Variants in DLEC1 observed in about 807,000 individuals in gnomAD.
DLEC1 encodes the protein DLEC1 cilia and flagella associated protein, also known as deleted in lung and esophageal cancer protein 1.
Under a neutral mutation model 198.1 loss-of-function variants are expected in DLEC1, and 146 were observed. The observed-to-expected ratio is 0.74, with a 90% confidence interval of 0.64 to 0.85. The LOEUF (loss-of-function observed/expected upper bound fraction) is 0.85. Ranked by LOEUF, DLEC1 falls within the 40% of genes least tolerant of loss-of-function variation. The pLI is 0.00. For missense variants in DLEC1, 2,233 were observed against 2,220.0 expected (o/e 1.01, Z -0.12); for synonymous variants, 897 against 866.8 (o/e 1.03, Z -0.61).
Position 38,122,491 on chromosome 3 carries a change from C to T in DLEC1, c.*79C>T. On this transcript the variant is annotated 3_prime_UTR_variant, in exon 37 of 37. Transcript: ENST00000308059. ...AGGGATTAGGAGCAGCTCTTCAGCA[C>T]AAAGACACAGACTTGGGGACCTGGG... is the stretch of plus-strand genomic sequence containing the variant. 1.2e-6 allele frequency: 2 copies of T among 1,613,200 alleles called. No homozygotes were observed. The highest frequency in any genetic ancestry group is 1.7e-6 in the Non-Finnish European group (2 of 1,179,804).
At chr3:38,114,537 G>C in intron 26 of DLEC1, 77 bp downstream of exon 26, 3 of 1,440,228 alleles carry the variant, frequency 2.1e-6, no homozygotes, top group Non-Finnish European at 2.9e-6. Flanking sequence ...GGCTGCCCAC[G>C]TTGGCTTGTT....
At chr3:38,081,837 G>C (rs1264898580) in intron 6 of DLEC1, among the ~76,000 whole-genome samples, 2 of 141,814 alleles carry the variant, frequency 1.4e-5, no homozygotes, top group Admixed American at 6.8e-5. Context: ...CTGGCCAGGC[G>C]GGGGGCTGAC....
chr3:38,040,479 A>G (rs891947343), intron 1 of DLEC1, among the ~76,000 whole-genome samples: 1 of 152,172 alleles, frequency 6.6e-6, no homozygotes. Flanking sequence ...CAAAATGAAT[A>G]CCTATACAGT....
intron 33 of DLEC1, among the ~76,000 whole-genome samples, chr3:38,119,690 A>G (rs925059753): frequency 7.2e-5 from 11 of 151,998 alleles, no homozygotes; most frequent in Non-Finnish European, 4.4e-5. Context: ...CCACAGGTGC[A>G]TGCCACCATG....
chr3:38,119,055 G>A (rs1196227544), intron 33 of DLEC1, among the ~76,000 whole-genome samples: 1 of 152,192 alleles, frequency 6.6e-6, no homozygotes. Flanking sequence ...AGCACAGCCA[G>A]AGGTTCCATT....
At chr3:38,054,410 G>A (rs1341348294) in intron 2 of DLEC1, among the ~76,000 whole-genome samples, 1 of 152,194 alleles carries the variant, frequency 6.6e-6, no homozygotes, top group African/African-American at 2.4e-5. Context: ...AGCCTACAGT[G>A]TTTCACAGAT....
At position 38,116,964 on chromosome 3, in the gene DLEC1, G is replaced by A. The variant is rs749099529; in HGVS notation, c.4180-11G>A. The A allele has an allele frequency of 1.9e-5, 31 of 1,613,532 alleles. 1 individual carries two copies. The South Asian group carries it at 3.1e-4, about 16-fold the overall frequency. On this transcript the variant is annotated splice_polypyrimidine_tract_variant and intron_variant, in intron 29 of 36. Coordinates refer to ENST00000308059, the MANE Select transcript of DLEC1 (RefSeq NM_007335.4). The stretch of plus-strand genomic sequence containing the variant: ...CATGGGACAGTGCTAAGGCTGCTGT[G>A]TCTATGCCAGGTGGTCCCTGCTGGG...
intron 6 of DLEC1, among the ~76,000 whole-genome samples, chr3:38,073,544 G>T (rs956654966): frequency 6.6e-6 from 1 of 152,108 alleles, no homozygotes; most frequent in African/African-American, 2.4e-5. Context: ...AAGACACAAA[G>T]GAGGCTTTGG....
chr3:38,102,109 C>T (rs768565780), intron 19 of DLEC1, among the ~76,000 whole-genome samples: 12 of 152,156 alleles, frequency 7.9e-5, no homozygotes, highest in Non-Finnish European at 1.3e-4. Context: ...CCTCTTTCCC[C>T]CTTCTCTACC....
intron 6 of DLEC1, among the ~76,000 whole-genome samples, chr3:38,071,961 A>G (rs1472460774): frequency 1.3e-5 from 2 of 152,208 alleles, no homozygotes; most frequent in South Asian, 2.1e-4. Flanking sequence ...GGTAGCCTCA[A>G]TGATAGATGT....
At chr3:38,110,925 C>T (rs2125725862) in intron 23 of DLEC1, among the ~76,000 whole-genome samples, 1 of 152,142 alleles carries the variant, frequency 6.6e-6, no homozygotes, top group South Asian at 2.1e-4. Flanking sequence ...CACATATACA[C>T]ATGCACACAC....
rs547514721 is a variant in DLEC1 at position 38,053,863 on chromosome 3, G to A, written c.563-5879G>A. Among the ~76,000 whole-genome samples the A allele has an allele frequency of 1.2e-4, 19 of 152,354 alleles. No individual in the cohort carries two copies. The South Asian group carries it at 2.1e-3, about 17-fold the overall frequency. On this transcript the variant is annotated intron_variant, in intron 2 of 36. Transcript: ENST00000308059. ...GTTCTGTACTAAGAAAAATTCTTCT[G>A]CCTTGGGATGGTGTTAATCTATAAC... is the stretch of plus-strand genomic sequence containing the variant.
At chr3:38,060,817 C>T (rs1002952048) in intron 3 of DLEC1, among the ~76,000 whole-genome samples, 2 of 152,068 alleles carry the variant, frequency 1.3e-5, no homozygotes, top group African/African-American at 4.8e-5. Context: ...TCCTCAGCCT[C>T]CCAAGTAGCT....
intron 7 of DLEC1, among the ~76,000 whole-genome samples, chr3:38,084,579 G>GTA (rs147653328): frequency 9.2e-4 from 1 of 1,084 alleles, no homozygotes; most frequent in African/African-American, 3.1e-3. Context: ...AGTAGTAGTG[G>GTA]GGGGGTGGTA....
At chr3:38,078,838 A>G (rs543814695) in intron 6 of DLEC1, among the ~76,000 whole-genome samples, 79 of 152,352 alleles carry the variant, frequency 5.2e-4, no homozygotes, top group African/African-American at 1.9e-3. Flanking sequence ...CATGGGGTGG[A>G]TAGGCAAAAC....
chr3:38,114,736 T>G lies in DLEC1; in HGVS notation c.3786-247T>G, dbSNP rs545457087. Among the ~76,000 whole-genome samples, 24 of 152,236 alleles carry G rather than the reference T, an allele frequency of 1.6e-4. No individual in the cohort carries two copies. The East Asian group carries it at 4.1e-3, about 26-fold the overall frequency. On this transcript the variant is annotated intron_variant, in intron 26 of 36. Coordinates refer to ENST00000308059, the MANE Select transcript of DLEC1 (RefSeq NM_007335.4). ...ACCAGCCCTGGGGCCCCTGGCACAG[T>G]TGAACTGGAATCAGCATAGTCTGCT...
chr3:38,119,589 G>A (rs1407566190), intron 33 of DLEC1, among the ~76,000 whole-genome samples: 1 of 151,936 alleles, frequency 6.6e-6, no homozygotes, highest in African/African-American at 2.4e-5. Flanking sequence ...ACCTAGGCCG[G>A]AGTGCAGTGG....
chr3:38,072,990 C>T (rs13087813), intron 6 of DLEC1, among the ~76,000 whole-genome samples: 63,639 of 151,894 alleles, frequency 0.42, 13,929 homozygotes, highest in East Asian at 0.6. Context: ...AAGTAAATCA[C>T]GAGAAAGAGC....
chr3:38,069,361 A>T (rs1697194692), intron 6 of DLEC1, among the ~76,000 whole-genome samples: 1 of 152,200 alleles, frequency 6.6e-6, no homozygotes. Flanking sequence ...AAAAAGAGGG[A>T]ATGTACCATC....
Sources: allele counts gnomAD v4.1 joint callset (sites outside exome capture counted in the v4.1 genomes callset), GRCh38; gene constraint gnomAD v4.1.1; transcripts MANE v1.5; gene names NCBI Gene and HGNC (gene_info 2026-07-23, HGNC 2026-07-21).